KMT5B: variants seen among roughly 807,000 people sequenced by gnomAD.
KMT5B encodes histone-lysine N-methyltransferase KMT5B.
A neutral mutation model predicts 83.2 loss-of-function variants in KMT5B; 10 were observed. That is an observed-to-expected ratio of 0.12 (90% CI 0.07 to 0.20). The LOEUF (loss-of-function observed/expected upper bound fraction) is 0.20. KMT5B is among the 10% of genes least tolerant of loss of function. The pLI, the probability that KMT5B is intolerant of heterozygous loss-of-function variation, is 1.00. For synonymous variants in KMT5B, 349 were observed against 388.8 expected, an observed-to-expected ratio of 0.90 and a Z score of 1.20; for missense variants, 753 against 1,067.2, an observed-to-expected ratio of 0.71 and a Z score of 4.10.
chr11:68,176,551 C>T (rs533160143), intron 4 of KMT5B: 38 of 152,210 alleles, frequency 2.5e-4, no homozygotes, highest in African/African-American at 8.7e-4. Flanking sequence ...TTTGGGAGGT[C>T]GAGGCGGATG....
At chr11:68,173,492 AGACT>A (rs1386193971) in intron 6 of KMT5B, among the ~76,000 whole-genome samples, 22 of 152,222 alleles carry the variant, frequency 1.4e-4, no homozygotes, top group Admixed American at 6.5e-5. Context: ...GGCCAGTAGA[AGACT>A]GACTGTGGAA....
chr11:68,164,800 TGAAA>T (rs1855168293), intron 10 of KMT5B: 27 of 452,600 alleles, frequency 6.0e-5, no homozygotes, highest in South Asian at 4.2e-4. Context: ...CCTCTGAACT[TGAAA>T]GCCTGTGCCT....
At chr11:68,203,004 C>A (rs974166553) in intron 1 of KMT5B, among the ~76,000 whole-genome samples, 1 of 152,032 alleles carries the variant, frequency 6.6e-6, no homozygotes. Context: ...TAGATGGAGT[C>A]TTGCTCTGTC....
intron 4 of KMT5B, 27 bp from the exon 5 acceptor site, chr11:68,175,210 G>C (rs1417582444): frequency 6.3e-7 from 1 of 1,591,954 alleles, no homozygotes; most frequent in Non-Finnish European, 8.6e-7. Flanking sequence ...GAATGAATGG[G>C]TTATCTGCCA....
chr11:68,200,571 G>A (rs1475457387), intron 1 of KMT5B, among the ~76,000 whole-genome samples: 2 of 152,146 alleles, frequency 1.3e-5, no homozygotes, highest in Non-Finnish European at 2.9e-5. Flanking sequence ...GAGAGAGACT[G>A]ACTCGCAGGC....
intron 1 of KMT5B, among the ~76,000 whole-genome samples, chr11:68,211,947 T>G (rs1860964067): frequency 6.6e-6 from 1 of 152,242 alleles, no homozygotes; most frequent in South Asian, 2.1e-4. Context: ...GCCACACCTC[T>G]GGTTCAAATT....
intron 1 of KMT5B, among the ~76,000 whole-genome samples, chr11:68,206,095 G>A (rs779862399): frequency 2.0e-5 from 3 of 152,158 alleles, no homozygotes; most frequent in Non-Finnish European, 2.9e-5. Context: ...CATCTCAGTA[G>A]TTATTTTAAA....
chr11:68,160,915 C>T (rs1242764389), intron 10 of KMT5B, among the ~76,000 whole-genome samples: 4 of 152,194 alleles, frequency 2.6e-5, no homozygotes, highest in Non-Finnish European at 5.9e-5. Flanking sequence ...CGATTGTACT[C>T]CAGCCTGGGT....
At chr11:68,166,882 CTGAG>C (rs1484103912) in intron 10 of KMT5B, 96 bp downstream of exon 10, 19 of 1,515,490 alleles carry the variant, frequency 1.3e-5, no homozygotes, top group Non-Finnish European at 1.5e-5. Context: ...CCCAGTCTCT[CTGAG>C]TATTTAAAAG....
intron 4 of KMT5B, chr11:68,176,640 G>A (rs1201106528): frequency 6.6e-6 from 1 of 151,926 alleles, no homozygotes; most frequent in Non-Finnish European, 1.5e-5. Flanking sequence ...AATTAGCCAG[G>A]CCCACGTAGT....
chr11:68,183,172 T>C (rs1014897490), intron 3 of KMT5B, among the ~76,000 whole-genome samples: 1 of 151,434 alleles, frequency 6.6e-6, no homozygotes, highest in African/African-American at 2.4e-5. Flanking sequence ...ACTAGACTAC[T>C]GTGTCAAAGA....
chr11:68,205,674 G>A (rs1165482095), intron 1 of KMT5B, among the ~76,000 whole-genome samples: 2 of 149,214 alleles, frequency 1.3e-5, no homozygotes, highest in African/African-American at 2.5e-5. Flanking sequence ...AGGCTGGAGT[G>A]CAGTGGCATG....
At chr11:68,187,515 T>C (rs1280227974) in intron 2 of KMT5B, among the ~76,000 whole-genome samples, 1 of 152,256 alleles carries the variant, frequency 6.6e-6, no homozygotes, top group Non-Finnish European at 1.5e-5. Context: ...CTTGTTAATT[T>C]CTAATTTTCC....
At chr11:68,186,266 TAAC>T (rs1857429937) in intron 2 of KMT5B, among the ~76,000 whole-genome samples, 2 of 152,140 alleles carry the variant, frequency 1.3e-5, no homozygotes, top group Admixed American at 1.3e-4. Context: ...TTCACTATTT[TAAC>T]AAGACAATAC....
intron 10 of KMT5B, chr11:68,166,667 G>C: frequency 2.7e-6 from 3 of 1,122,650 alleles, no homozygotes; most frequent in Non-Finnish European, 3.3e-6. Flanking sequence ...GCAGGACTTA[G>C]CGACATCATC....
chr11:68,171,185 C>T lies in KMT5B; in HGVS notation c.841-34G>A. ...AAAGTAACTCAGTAAGAAACTCACACCTGAAGCAAAAACAAAATACTTGAA... is the reference window on the plus strand; with the variant it reads ...AAAGTAACTCAGTAAGAAACTCACATCTGAAGCAAAAACAAAATACTTGAA... On this transcript the variant is annotated intron_variant, in intron 8 of 10. Transcript: ENST00000304363. This position sits in a 1 kb window ranked among gnomAD's most constrained non-coding sequence, Gnocchi z 5.1. The T allele has an allele frequency of 6.2e-7, 1 of 1,606,562 alleles. No individual in the cohort carries two copies. The highest frequency in any genetic ancestry group is 8.5e-7 in the Non-Finnish European group (1 of 1,178,478).
intron 1 of KMT5B, among the ~76,000 whole-genome samples, chr11:68,191,592 C>T (rs993627082): frequency 1.3e-5 from 2 of 152,074 alleles, no homozygotes; most frequent in South Asian, 2.1e-4. Flanking sequence ...CCTTGGCCTC[C>T]GAAAGTGCTG....
At chr11:68,188,688 T>A (rs1015027910) in intron 2 of KMT5B, among the ~76,000 whole-genome samples, 1 of 152,228 alleles carries the variant, frequency 6.6e-6, no homozygotes, top group Non-Finnish European at 1.5e-5. Flanking sequence ...GTATCTATAA[T>A]AATTCAACTA....
intron 1 of KMT5B, among the ~76,000 whole-genome samples, chr11:68,193,107 T>C (rs1858284463): frequency 6.6e-6 from 1 of 152,136 alleles, no homozygotes; most frequent in Non-Finnish European, 1.5e-5. Context: ...AAAAAGGCCC[T>C]ACGATAAAGG....
Sources: allele counts gnomAD v4.1 joint callset (sites outside exome capture counted in the v4.1 genomes callset), GRCh38; gene constraint gnomAD v4.1.1; non-coding constraint Gnocchi (gnomAD v3.1); transcripts MANE v1.5; gene names NCBI Gene and HGNC (gene_info 2026-07-23, HGNC 2026-07-21).